Variants in LINC00305 observed in about 807,000 individuals in gnomAD.
The protein encoded by LINC00305 is long intergenic non-protein coding RNA 305.
chr18:64,089,131 T>C (rs971038607), intron 3 of LINC00305, among the ~76,000 whole-genome samples: 2 of 152,168 alleles, frequency 1.3e-5, no homozygotes, highest in Non-Finnish European at 2.9e-5. Flanking sequence ...AATCGTAATC[T>C]GAATTTTAAT....
At chr18:64,113,323 T>C (rs1481941712) in intron 1 of LINC00305, among the ~76,000 whole-genome samples, 1 of 152,232 alleles carries the variant, frequency 6.6e-6, no homozygotes, top group Non-Finnish European at 1.5e-5. Context: ...AATGCTTACG[T>C]CTGAGTAAAA....
chr18:64,123,380 T>C (rs762172773), intron 1 of LINC00305, among the ~76,000 whole-genome samples: 1 of 152,108 alleles, frequency 6.6e-6, no homozygotes, highest in African/African-American at 2.4e-5. Context: ...ATAATGCACT[T>C]CTTTTTTAGG....
intron 1 of LINC00305, among the ~76,000 whole-genome samples, chr18:64,102,386 T>G (rs1778703591): frequency 6.6e-6 from 1 of 152,312 alleles, no homozygotes; most frequent in South Asian, 2.1e-4. Flanking sequence ...TCATTATAAG[T>G]AGACATTTAG....
intron 1 of LINC00305, among the ~76,000 whole-genome samples, chr18:64,109,107 A>G (rs2051304286): frequency 6.6e-6 from 1 of 152,234 alleles, no homozygotes; most frequent in Non-Finnish European, 1.5e-5. Context: ...TATTTCATTT[A>G]GGATTTGAGA....
chr18:64,127,658 G>A (rs1330291692), intron 1 of LINC00305, among the ~76,000 whole-genome samples: 1 of 152,040 alleles, frequency 6.6e-6, no homozygotes, highest in African/African-American at 2.4e-5. Context: ...CTCAGGTCAT[G>A]GTAAGATAAC....
chr18:64,099,862 A>G (rs2051261264), intron 1 of LINC00305, among the ~76,000 whole-genome samples: 1 of 152,188 alleles, frequency 6.6e-6, no homozygotes, highest in Non-Finnish European at 1.5e-5. Context: ...GGCACAAAAA[A>G]TGGTGTGTTC....
intron 3 of LINC00305, among the ~76,000 whole-genome samples, chr18:64,082,421 G>A (rs763623098): frequency 3.9e-4 from 59 of 152,124 alleles, no homozygotes; most frequent in Middle Eastern, 3.2e-3. Flanking sequence ...CACATTTTTG[G>A]GGGGAGACTG....
intron 3 of LINC00305, among the ~76,000 whole-genome samples, chr18:64,084,528 GC>G (rs1411641403): frequency 6.6e-6 from 1 of 152,142 alleles, no homozygotes; most frequent in Non-Finnish European, 1.5e-5. Flanking sequence ...CTTTTCTTTA[GC>G]CTTCATATTT....
chr18:64,085,043 C>T (rs577026122), intron 3 of LINC00305, among the ~76,000 whole-genome samples: 3 of 152,256 alleles, frequency 2.0e-5, no homozygotes, highest in South Asian at 2.1e-4. Flanking sequence ...TAGTGCTCTA[C>T]GAAAAAATTG....
intron 1 of LINC00305, among the ~76,000 whole-genome samples, chr18:64,123,078 G>A (rs937425189): frequency 6.6e-6 from 1 of 151,932 alleles, no homozygotes; most frequent in Non-Finnish European, 1.5e-5. Flanking sequence ...GAGATTTTTG[G>A]TGGAGTCTTT....
chr18:64,136,925 G>A (rs1293037707), intron 1 of LINC00305, among the ~76,000 whole-genome samples: 3 of 152,174 alleles, frequency 2.0e-5, no homozygotes, highest in Non-Finnish European at 4.4e-5. Flanking sequence ...TAGTGGTGCT[G>A]TTTGGTGCTC....
intron 1 of LINC00305, among the ~76,000 whole-genome samples, chr18:64,141,144 T>A (rs1378443003): frequency 6.6e-6 from 1 of 151,560 alleles, no homozygotes; most frequent in Non-Finnish European, 1.5e-5. Flanking sequence ...CCTGTGAAAC[T>A]TTAAGAAGCG....
At chr18:64,135,785 A>G (rs2144272456) in intron 1 of LINC00305, among the ~76,000 whole-genome samples, 1 of 152,116 alleles carries the variant, frequency 6.6e-6, no homozygotes, top group Admixed American at 6.5e-5. Flanking sequence ...AGGTTTCACC[A>G]TGTTGGCCAT....
At chr18:64,137,393 C>T (rs1445533052) in intron 1 of LINC00305, among the ~76,000 whole-genome samples, 1 of 152,178 alleles carries the variant, frequency 6.6e-6, no homozygotes, top group Non-Finnish European at 1.5e-5. Context: ...GTTAGGACAA[C>T]CCTGGGAAAT....
chr18:64,120,216 A>G (rs887140887), intron 1 of LINC00305, among the ~76,000 whole-genome samples: 7 of 152,148 alleles, frequency 4.6e-5, no homozygotes, highest in Admixed American at 2.0e-4. Flanking sequence ...AACCAAGCCA[A>G]TTGCTGTGGG....
Position 64,106,976 on chromosome 18 carries a change from T to G in LINC00305, n.315-8336A>C, listed in dbSNP as rs532985131. Among the ~76,000 whole-genome samples the G allele has an allele frequency of 6.9e-5, 9 of 130,616 alleles. 1 individual carries two copies. Among genetic ancestry groups the G allele is most frequent in the Admixed American group, 6.6e-4 (9 of 13,676 alleles). 85.7% of individuals were successfully genotyped at this position (130,616 alleles called of 152,430 possible). On this transcript the variant is annotated intron_variant and non_coding_transcript_variant, in intron 1 of 3. Transcript: ENST00000666468. Reference sequence around the variant, plus strand: ...GTGAGCAAATTGCTGTTTACAGATATGACATTTTGGCTAAGAAATAGGGTA... The same window carrying G: ...GTGAGCAAATTGCTGTTTACAGATAGGACATTTTGGCTAAGAAATAGGGTA...
At chr18:64,104,574 A>G (rs954392676) in intron 1 of LINC00305, among the ~76,000 whole-genome samples, 3 of 152,188 alleles carry the variant, frequency 2.0e-5, no homozygotes, top group Non-Finnish European at 2.9e-5. Flanking sequence ...TCATAGAAGA[A>G]GTGTGATTGG....
intron 3 of LINC00305, among the ~76,000 whole-genome samples, chr18:64,083,206 T>C (rs1248601773): frequency 2.0e-5 from 3 of 152,130 alleles, no homozygotes; most frequent in Non-Finnish European, 4.4e-5. Context: ...GTGGTAAAAA[T>C]GCAGACATTC....
intron 1 of LINC00305, among the ~76,000 whole-genome samples, chr18:64,143,615 TAC>T (rs2051478604): frequency 8.3e-6 from 1 of 120,816 alleles, no homozygotes; most frequent in Non-Finnish European, 1.8e-5. Flanking sequence ...TGTACATATG[TAC>T]ACATATGTAT....
Sources: allele counts gnomAD v4.1 joint callset (sites outside exome capture counted in the v4.1 genomes callset), GRCh38; gene constraint gnomAD v4.1.1; transcripts MANE v1.5; gene names NCBI Gene and HGNC (gene_info 2026-07-23, HGNC 2026-07-21).